MAPK4: variants seen among roughly 807,000 people sequenced by gnomAD.
The protein encoded by MAPK4 is mitogen-activated protein kinase 4.
Under a neutral mutation model 47.7 loss-of-function variants are expected in MAPK4, and 22 were observed. The ratio of observed to expected loss-of-function variants is 0.46; its 90% confidence interval spans 0.33 to 0.66. The LOEUF is 0.66. Ranked by LOEUF, MAPK4 falls within the 30% of genes least tolerant of loss-of-function variation. The pLI, the probability that MAPK4 is intolerant of heterozygous loss-of-function variation, is 0.02. For synonymous variants in MAPK4, 390 were observed against 365.7 expected, an observed-to-expected ratio of 1.07 and a Z score of -0.76; for missense variants, 736 against 831.7, an observed-to-expected ratio of 0.88 and a Z score of 1.42.
intron 2 of MAPK4, among the ~76,000 whole-genome samples, chr18:50,687,679 C>T (rs540846317): frequency 6.6e-6 from 1 of 151,914 alleles, no homozygotes; most frequent in South Asian, 2.1e-4. Flanking sequence ...CCCAGCGAGA[C>T]TCTGCGGTGT....
At chr18:50,571,108 G>C (rs998458860) in intron 1 of MAPK4, among the ~76,000 whole-genome samples, 3 of 152,156 alleles carry the variant, frequency 2.0e-5, no homozygotes, top group South Asian at 4.1e-4. Flanking sequence ...TGCCCCTCTA[G>C]AAAGGGCCCT....
At chr18:50,620,823 C>T (rs2042725406) in intron 1 of MAPK4, among the ~76,000 whole-genome samples, 1 of 151,922 alleles carries the variant, frequency 6.6e-6, no homozygotes, top group African/African-American at 2.4e-5. Flanking sequence ...AAAAATCCAC[C>T]CATGGCCCAG....
At chr18:50,624,414 C>T (rs1326892180) in intron 1 of MAPK4, among the ~76,000 whole-genome samples, 1 of 152,090 alleles carries the variant, frequency 6.6e-6, no homozygotes, top group Non-Finnish European at 1.5e-5. Flanking sequence ...AACACGTGGG[C>T]AGTGTAGTAC....
At chr18:50,585,383 A>G (rs1346461200) in intron 1 of MAPK4, among the ~76,000 whole-genome samples, 3 of 152,188 alleles carry the variant, frequency 2.0e-5, no homozygotes, top group Admixed American at 6.5e-5. Flanking sequence ...CTGTCCTCCA[A>G]TGTGTGCTCT....
At chr18:50,644,694 A>ATCCCTT (rs929048789) in intron 1 of MAPK4, among the ~76,000 whole-genome samples, 5 of 152,266 alleles carry the variant, frequency 3.3e-5, no homozygotes, top group African/African-American at 1.2e-4. Flanking sequence ...TAACATAAAA[A>ATCCCTT]TCCCCTGGGA....
intron 1 of MAPK4, among the ~76,000 whole-genome samples, chr18:50,574,724 A>G (rs184431585): frequency 6.6e-6 from 1 of 152,360 alleles, no homozygotes; most frequent in Admixed American, 6.5e-5. Flanking sequence ...TTAATGAATG[A>G]TTTTGTAGCT....
chr18:50,567,000 A>T (rs957918257), intron 1 of MAPK4, among the ~76,000 whole-genome samples: 1 of 152,154 alleles, frequency 6.6e-6, no homozygotes, highest in Non-Finnish European at 1.5e-5. Context: ...TAGAATAAAC[A>T]ATGTATGTGT....
intron 5 of MAPK4, among the ~76,000 whole-genome samples, chr18:50,726,477 G>A (rs1248285183): frequency 2.0e-5 from 3 of 152,160 alleles, no homozygotes; most frequent in African/African-American, 7.2e-5. Context: ...ACCATGGTAG[G>A]AGCTCACTTC....
In MAPK4 at chr18:50,632,110, C is replaced by T. The variant is rs761679625; in HGVS notation, c.-870-30979C>T. Among the ~76,000 whole-genome samples, 22 of 152,144 alleles carry T rather than the reference C, an allele frequency of 1.4e-4. 1 individual carries two copies. The Middle Eastern group carries it at 0.01, about 71-fold the overall frequency. The stretch of plus-strand genomic sequence containing the variant: ...GTGGTTAGAGGCTTCCAAATGGGGC[C>T]CCAGAGTGTCAAACCTACCAAGTAT... On this transcript the variant is annotated intron_variant, in intron 1 of 5. Coordinates refer to ENST00000400384, the MANE Select transcript of MAPK4 (RefSeq NM_002747.4).
At chr18:50,573,770 G>C (rs2042270807) in intron 1 of MAPK4, among the ~76,000 whole-genome samples, 1 of 152,140 alleles carries the variant, frequency 6.6e-6, no homozygotes, top group South Asian at 2.1e-4. Flanking sequence ...AAAATCTATA[G>C]GAACATATGG....
chr18:50,592,123 T>C (rs184299401), intron 1 of MAPK4, among the ~76,000 whole-genome samples: 3 of 152,250 alleles, frequency 2.0e-5, no homozygotes, highest in African/African-American at 7.2e-5. Context: ...GGAATGAAAG[T>C]GTTTTGAAAG....
Position 50,630,394 on chromosome 18 carries a change from G to T in MAPK4, c.-870-32695G>T, listed in dbSNP as rs532334025. Among the ~76,000 whole-genome samples, 18 of 152,244 alleles carry T rather than the reference G, an allele frequency of 1.2e-4. No homozygotes were observed. In the South Asian group the frequency reaches 3.7e-3, roughly 32 times the overall value. ...AACAGAGACAGGGTTTCACCATATTGGCCAGGGTGGTCTCAAACTCCTAAC... is the reference window on the plus strand; with the variant it reads ...AACAGAGACAGGGTTTCACCATATTTGCCAGGGTGGTCTCAAACTCCTAAC... On this transcript the variant is annotated intron_variant, in intron 1 of 5. Transcript: ENST00000400384.
intron 2 of MAPK4, among the ~76,000 whole-genome samples, chr18:50,711,401 T>TAA (rs1486842437): frequency 6.6e-6 from 1 of 152,192 alleles, no homozygotes; most frequent in Admixed American, 6.5e-5. Flanking sequence ...CAGGAGGAAA[T>TAA]AGACGATTAG....
chr18:50,561,419 T>C (rs938095086), intron 1 of MAPK4, among the ~76,000 whole-genome samples: 12 of 152,204 alleles, frequency 7.9e-5, no homozygotes, highest in Admixed American at 7.2e-4. Flanking sequence ...ACTTTTCAAT[T>C]GAATGGATAT....
At chr18:50,599,103 G>T (rs1288441564) in intron 1 of MAPK4, among the ~76,000 whole-genome samples, 6 of 152,138 alleles carry the variant, frequency 3.9e-5, no homozygotes, top group Admixed American at 2.6e-4. Context: ...CTGCAGCAGG[G>T]TGTATCTGCA....
rs544426117 is a variant in MAPK4, at chr18:50,592,539, T to C, written c.-871+32296T>C. Among the ~76,000 whole-genome samples, 140 of 152,204 alleles carry C rather than the reference T, an allele frequency of 9.2e-4. 1 individual carries two copies. The highest frequency in any genetic ancestry group is 3.3e-3 in the African/African-American group (136 of 41,544). The stretch of plus-strand genomic sequence containing the variant: ...TAATTACAACCCCCCCCGCTTGGTG[T>C]CTGTCTTCTTTCTTTCTGGCTTATT... On this transcript the variant is annotated intron_variant, in intron 1 of 5. Coordinates refer to ENST00000400384, the MANE Select transcript of MAPK4 (RefSeq NM_002747.4).
intron 1 of MAPK4, among the ~76,000 whole-genome samples, chr18:50,641,653 C>A (rs141189982): frequency 6.6e-6 from 1 of 152,026 alleles, no homozygotes; most frequent in Admixed American, 6.6e-5. Context: ...TTGAGATTAT[C>A]AATATGAACT....
At chr18:50,575,799 A>AAAAAAAAAAAAAAAAC in intron 1 of MAPK4, among the ~76,000 whole-genome samples, 1 of 151,486 alleles carries the variant, frequency 6.6e-6, no homozygotes, top group Non-Finnish European at 1.5e-5. Flanking sequence ...AAGCAAAAAA[A>AAAAAAAAAAAAAAAAC]AAAAAAAAAA....
chr18:50,691,208 G>C (rs965249274), intron 2 of MAPK4, among the ~76,000 whole-genome samples: 15 of 152,068 alleles, frequency 9.9e-5, no homozygotes, highest in African/African-American at 3.6e-4. Flanking sequence ...GTCCAGGCTG[G>C]TCTCAAAACT....
Sources: gnomAD v4.1 joint callset for allele counts (sites outside exome capture counted in the v4.1 genomes callset) on GRCh38, gnomAD v4.1.1 for gene constraint, MANE v1.5 for transcripts, NCBI Gene and HGNC (gene_info 2026-07-23, HGNC 2026-07-21) for gene names.